The following DICER1 variants were observed in gnomAD, a reference collection of about 807,000 sequenced individuals.
The protein encoded by DICER1 is dicer 1, ribonuclease III.
Under a neutral mutation model 194.1 loss-of-function variants are expected in DICER1, and 43 were observed. The observed-to-expected ratio is 0.22, with a 90% CI of 0.17 to 0.29. The LOEUF (loss-of-function observed/expected upper bound fraction) is 0.29. Among genes scored for constraint, DICER1 ranks in the 10% least tolerant of loss-of-function variants. DICER1 has a pLI of 1.00. For missense variants in DICER1, 1,608 were observed against 2,317.0 expected (o/e 0.69, Z 6.28); for synonymous variants, 832 against 820.5 (o/e 1.01, Z -0.24).
chr14:95,140,811 GAAACA>G (rs1381336663), intron 1 of DICER1: 1 of 152,138 alleles, frequency 6.6e-6, no homozygotes, highest in Non-Finnish European at 1.5e-5. Flanking sequence ...AAACTGAACA[GAAACA>G]CATCTACAAG....
intron 1 of DICER1, among the ~76,000 whole-genome samples, chr14:95,149,205 G>C (rs984781614): frequency 3.3e-5 from 5 of 152,166 alleles, no homozygotes; most frequent in African/African-American, 4.8e-5. Flanking sequence ...GCTGTTTTAA[G>C]ATATATAACA....
intron 1 of DICER1, chr14:95,141,829 A>G (rs1391358650): frequency 6.6e-6 from 1 of 152,228 alleles, no homozygotes; most frequent in African/African-American, 2.4e-5. Flanking sequence ...ACTTTTTAAG[A>G]TCCCTCATAA....
chr14:95,095,950 T>G lies in DICER1; in HGVS notation c.4970A>C (p.Lys1657Thr), dbSNP rs778780063. 42 of 1,614,236 alleles carry G rather than the reference T, an allele frequency of 2.6e-5. No individual in the cohort carries two copies. Among genetic ancestry groups the G allele is most frequent in the Non-Finnish European group, 3.6e-5 (42 of 1,180,034 alleles). The change falls in exon 23 of 27, where the codon AAA becomes ACA. Residue 1657 changes from lysine to threonine, a missense_variant. Physicochemically the swap from Lys to Thr is moderately conservative, Grantham distance 78. Transcript: ENST00000343455. Reference sequence around the variant, plus strand: ...CCCCGATATAAGGTGATTCAGTGTTTTATCTGCATCTGGATGATCAAACAT... The same window carrying G: ...CCCCGATATAAGGTGATTCAGTGTTGTATCTGCATCTGGATGATCAAACAT... Reference protein sequence around the residue: ...RCMFDHPDADKTLNHLISGFE... With the variant: ...RCMFDHPDADTTLNHLISGFE...
chr14:95,144,946 A>G (rs1895038889), intron 1 of DICER1, among the ~76,000 whole-genome samples: 1 of 152,156 alleles, frequency 6.6e-6, no homozygotes, highest in African/African-American at 2.4e-5. Context: ...GCATAAACAA[A>G]CCTTAATAAA....
intron 14 of DICER1, among the ~76,000 whole-genome samples, chr14:95,108,972 C>T (rs1014860622): frequency 4.6e-5 from 7 of 152,244 alleles, no homozygotes; most frequent in African/African-American, 1.7e-4. Flanking sequence ...CTGTATAATT[C>T]CTAGACTCTT....
At chr14:95,155,177 G>C (rs908595051) in intron 1 of DICER1, among the ~76,000 whole-genome samples, 1 of 152,192 alleles carries the variant, frequency 6.6e-6, no homozygotes, top group Non-Finnish European at 1.5e-5. Flanking sequence ...GGGTCACAGT[G>C]AGGATTAGAA....
rs923753708 is a variant in DICER1, at chr14:95,088,488, C to T, written c.*2010G>A. On this transcript the variant is annotated 3_prime_UTR_variant, in exon 27 of 27. Transcript: ENST00000343455. ...CCCTCAGAATAAAATTCACATCCAG[C>T]CTTGTTAACTGCACACTTTTACAGT... 1.3e-5 allele frequency: 3 copies of T among 232,234 alleles called. No homozygotes were observed. The highest frequency in any genetic ancestry group is 6.6e-5 in the African/African-American group (3 of 45,246). 14.4% of individuals were successfully genotyped at this position (232,234 alleles called of 1,614,324 possible).
chr14:95,136,817 G>A (rs910573703), intron 1 of DICER1: 1 of 152,234 alleles, frequency 6.6e-6, no homozygotes, highest in Non-Finnish European at 1.5e-5. Flanking sequence ...CAGCACCGCA[G>A]ATGGCAAAAA....
At chr14:95,134,577 A>G (rs1894213979) in intron 1 of DICER1, 1 of 152,246 alleles carries the variant, frequency 6.6e-6, no homozygotes, top group Non-Finnish European at 1.5e-5. Context: ...AGTACAACAC[A>G]TGACTTAAGT....
chr14:95,156,037 G>A (rs1453751032), intron 1 of DICER1, among the ~76,000 whole-genome samples: 2 of 152,098 alleles, frequency 1.3e-5, no homozygotes, highest in African/African-American at 2.4e-5. Context: ...GGCTTATCCC[G>A]AACCCATCTT....
At chr14:95,136,086 T>TAC (rs144415862) in intron 1 of DICER1, among the ~76,000 whole-genome samples, 15,439 of 146,508 alleles carry the variant, frequency 0.11, 830 homozygotes, top group African/African-American at 0.13. Context: ...TACATGTAGA[T>TAC]ACACACACAC....
chr14:95,111,220 G>T, intron 14 of DICER1, 97 bp downstream of exon 14: 1 of 1,429,278 alleles, frequency 7.0e-7, no homozygotes, highest in Non-Finnish European at 9.9e-7. Context: ...AACTGTAAGG[G>T]TGTGGGAAGC....
chr14:95,095,877 A>G lies in DICER1; in HGVS notation c.5043T>C (p.Ala1681=), dbSNP rs1356467328. The change falls in exon 23 of 27, where the codon GCT becomes GCC. Residue 1681 remains alanine (A), a synonymous_variant. Transcript: ENST00000343455. ...KKINYRFKNK[A]YLLQAFTHAS... Reference sequence around the variant, plus strand: ...CATGTGTAAAAGCCTGGAGAAGGTAAGCCTTATTCTTGAATCTGTAGTTGA... The same window carrying G: ...CATGTGTAAAAGCCTGGAGAAGGTAGGCCTTATTCTTGAATCTGTAGTTGA... 6.2e-7 allele frequency: 1 copy of G among 1,614,196 alleles called. No homozygotes were observed. The highest frequency in any genetic ancestry group is 1.7e-5 in the Admixed American group (1 of 60,028).
In DICER1 at chr14:95,111,362, T is replaced by C; in HGVS notation, c.2211A>G (p.Pro737=). ...DLHDEEETSV[P]GRPGSTKRRQ... ...TTCGTTTCGTGGAACCTGGTCTTCC[T>C]GGAACACTGGTCTCTTCTTCATCAT... Residue 737 remains proline (P), a synonymous_variant, in exon 14 of 27, where the codon CCA becomes CCG. Transcript: ENST00000343455. 3 of 1,614,214 alleles carry C rather than the reference T, an allele frequency of 1.9e-6. No individual in the cohort carries two copies. The highest frequency in any genetic ancestry group is 2.5e-6 in the Non-Finnish European group (3 of 1,180,000).
intron 6 of DICER1, 147 bp from the exon 7 acceptor site, chr14:95,126,895 T>G (rs1378448723): frequency 3.3e-6 from 2 of 615,078 alleles, no homozygotes; most frequent in Non-Finnish European, 5.7e-6. Context: ...GGTGAGATTT[T>G]AGGTGTTTAA....
intron 4 of DICER1, among the ~76,000 whole-genome samples, chr14:95,131,154 C>T (rs1248573139): frequency 6.6e-6 from 1 of 152,014 alleles, no homozygotes; most frequent in Non-Finnish European, 1.5e-5. Context: ...CTCAGCCTCC[C>T]GAGTACCTAG....
intron 12 of DICER1, among the ~76,000 whole-genome samples, chr14:95,112,682 G>C (rs1005815633): frequency 1.3e-5 from 2 of 152,156 alleles, no homozygotes; most frequent in South Asian, 4.1e-4. Context: ...ACAAAAAGCA[G>C]ATTTTTGAGT....
Position 95,091,121 on chromosome 14 carries a change from A to G in DICER1, c.5528-12T>C. On this transcript the variant is annotated splice_polypyrimidine_tract_variant and intron_variant, in intron 25 of 26. Coordinates refer to ENST00000343455, the MANE Select transcript of DICER1 (RefSeq NM_177438.3). ...TGCAGAAAACTTTTCTGCAATCAAAATGAAAGAATAATATGAATAATATCT... is the reference window on the plus strand; with the variant it reads ...TGCAGAAAACTTTTCTGCAATCAAAGTGAAAGAATAATATGAATAATATCT... The G allele has an allele frequency of 6.2e-7, 1 of 1,614,090 alleles. No homozygotes were observed.
intron 1 of DICER1, among the ~76,000 whole-genome samples, chr14:95,151,109 T>C (rs1004744999): frequency 1.3e-5 from 2 of 152,220 alleles, no homozygotes; most frequent in African/African-American, 2.4e-5. Context: ...ATACACTGAA[T>C]TGAAGTATGA....
Sources: allele counts gnomAD v4.1 joint callset (sites outside exome capture counted in the v4.1 genomes callset), GRCh38; gene constraint gnomAD v4.1.1; transcripts MANE v1.5; gene names NCBI Gene and HGNC (gene_info 2026-07-23, HGNC 2026-07-21).